Variants in ADCY8 observed in about 807,000 individuals in gnomAD.
ADCY8 encodes adenylate cyclase type 8.
ADCY8 carries 51 observed loss-of-function variants against 119.7 expected under a neutral mutation model. The observed-to-expected ratio is 0.43, with a 90% confidence interval of 0.34 to 0.54. The LOEUF (loss-of-function observed/expected upper bound fraction) is 0.54. ADCY8 is among the 20% of genes least tolerant of loss of function. ADCY8 has a pLI of 0.03. For missense variants in ADCY8, 1,383 were observed against 1,598.8 expected (o/e 0.87, Z 2.30); for synonymous variants, 665 against 651.0 (o/e 1.02, Z -0.33).
intron 15 of ADCY8, among the ~76,000 whole-genome samples, chr8:130,791,249 G>A (rs1815417966): frequency 1.3e-5 from 2 of 152,312 alleles, no homozygotes; most frequent in South Asian, 4.1e-4. Flanking sequence ...CAGGGAAAAG[G>A]GGAGAATGCT....
intron 9 of ADCY8, among the ~76,000 whole-genome samples, chr8:130,858,128 T>C (rs182901997): frequency 6.6e-6 from 1 of 152,294 alleles, no homozygotes; most frequent in East Asian, 1.9e-4. Flanking sequence ...TAGGCTCATC[T>C]AGCACATTTC....
At chr8:130,781,204 G>T (rs185947562) in intron 17 of ADCY8, among the ~76,000 whole-genome samples, 1 of 152,336 alleles carries the variant, frequency 6.6e-6, no homozygotes, top group East Asian at 1.9e-4. Flanking sequence ...GCACTGACTT[G>T]TCTTAGTCTG....
At chr8:130,804,630 T>C (rs749818597) in intron 14 of ADCY8, among the ~76,000 whole-genome samples, 1 of 152,224 alleles carries the variant, frequency 6.6e-6, no homozygotes, top group Admixed American at 6.5e-5. Flanking sequence ...CTTCCCACTT[T>C]GGTTTATGCC....
chr8:131,005,243 C>G (rs149100727), intron 1 of ADCY8, among the ~76,000 whole-genome samples: 1 of 152,166 alleles, frequency 6.6e-6, no homozygotes, highest in Non-Finnish European at 1.5e-5. Flanking sequence ...AAAGGCTAAA[C>G]GAGGCCATTG....
In ADCY8 at chr8:130,937,071, A is replaced by G; in HGVS notation, c.1481+2T>C. 1 of 1,609,810 alleles carries G rather than the reference A, an allele frequency of 6.2e-7. No homozygotes were observed. On this transcript the variant is annotated splice_donor_variant, in intron 5 of 17. Transcript: ENST00000286355. LOFTEE classifies it high-confidence loss of function. The stretch of plus-strand genomic sequence containing the variant: ...GGTAACATGATGGGGATCACAAATT[A>G]CCTGATGGTTTTGATCATGCTGAGA...
chr8:131,006,656 G>A (rs142860422), intron 1 of ADCY8, among the ~76,000 whole-genome samples: 140 of 152,236 alleles, frequency 9.2e-4, no homozygotes, highest in Non-Finnish European at 1.4e-3. Flanking sequence ...GTGGCTTAGC[G>A]GACAGATCAC....
At chr8:130,911,127 AT>A (rs1460427551) in intron 5 of ADCY8, among the ~76,000 whole-genome samples, 1 of 152,198 alleles carries the variant, frequency 6.6e-6, no homozygotes, top group Admixed American at 6.5e-5. Flanking sequence ...AACTTGCTTA[AT>A]TTATTTCTTC....
At chr8:130,914,101 C>A (rs1820058847) in intron 5 of ADCY8, among the ~76,000 whole-genome samples, 1 of 152,086 alleles carries the variant, frequency 6.6e-6, no homozygotes, top group Non-Finnish European at 1.5e-5. Context: ...TCCCTATGGC[C>A]CAGAGCTGGT....
chr8:130,794,940 C>T (rs1815533108), intron 15 of ADCY8, among the ~76,000 whole-genome samples: 1 of 152,044 alleles, frequency 6.6e-6, no homozygotes, highest in African/African-American at 2.4e-5. Flanking sequence ...ATTAAAAATT[C>T]CAGGCTGGGG....
intron 5 of ADCY8, among the ~76,000 whole-genome samples, chr8:130,919,659 G>A (rs1209424254): frequency 2.6e-5 from 4 of 152,176 alleles, no homozygotes; most frequent in African/African-American, 9.7e-5. Flanking sequence ...TTTAACAGTT[G>A]GCTTTTGCAA....
chr8:130,995,330 C>A (rs1458053264), intron 1 of ADCY8, among the ~76,000 whole-genome samples: 1 of 152,156 alleles, frequency 6.6e-6, no homozygotes, highest in Non-Finnish European at 1.5e-5. Flanking sequence ...CATGTACTAT[C>A]ATTTTTAAAT....
intron 14 of ADCY8, among the ~76,000 whole-genome samples, chr8:130,809,767 A>G (rs1009853136): frequency 1.3e-5 from 2 of 152,230 alleles, no homozygotes; most frequent in Non-Finnish European, 2.9e-5. Flanking sequence ...CTTATTTGGA[A>G]CACCTCAAAA....
At chr8:130,945,075 A>T (rs1348976003) in intron 3 of ADCY8, among the ~76,000 whole-genome samples, 1 of 152,204 alleles carries the variant, frequency 6.6e-6, no homozygotes, top group Non-Finnish European at 1.5e-5. Context: ...CTCTGAGCAG[A>T]GAGAACAGTA....
At chr8:131,026,781 A>C (rs2130803281) in intron 1 of ADCY8, among the ~76,000 whole-genome samples, 1 of 152,334 alleles carries the variant, frequency 6.6e-6, no homozygotes, top group South Asian at 2.1e-4. Flanking sequence ...TGATTGTTTT[A>C]AAACTTAAAT....
intron 12 of ADCY8, among the ~76,000 whole-genome samples, chr8:130,832,421 GC>G (rs1244002293): frequency 9.2e-5 from 14 of 152,188 alleles, no homozygotes. Context: ...GGAACAACCA[GC>G]AAAAACTATT....
intron 17 of ADCY8, among the ~76,000 whole-genome samples, chr8:130,782,043 A>C (rs1815097098): frequency 6.6e-6 from 1 of 152,206 alleles, no homozygotes; most frequent in Non-Finnish European, 1.5e-5. Flanking sequence ...CTACAAAGAA[A>C]AATCAATGAG....
chr8:130,830,544 T>A (rs1024157808), intron 12 of ADCY8, among the ~76,000 whole-genome samples: 2 of 152,248 alleles, frequency 1.3e-5, no homozygotes, highest in Admixed American at 1.3e-4. Context: ...GAGAGCTGTT[T>A]TCCTTTCTCT....
intron 9 of ADCY8, among the ~76,000 whole-genome samples, chr8:130,867,342 C>T (rs565866144): frequency 6.6e-6 from 1 of 152,274 alleles, no homozygotes; most frequent in East Asian, 1.9e-4. Context: ...TCAGTTCCCT[C>T]CTCTTTAAAA....
At chr8:130,871,839 A>G (rs1479879733) in intron 8 of ADCY8, among the ~76,000 whole-genome samples, 2 of 152,142 alleles carry the variant, frequency 1.3e-5, no homozygotes, top group Admixed American at 1.3e-4. Flanking sequence ...ACCACCGGGT[A>G]GAATTCTTAA....
Sources: gnomAD v4.1 joint callset for allele counts (sites outside exome capture counted in the v4.1 genomes callset) on GRCh38, gnomAD v4.1.1 for gene constraint, MANE v1.5 for transcripts, NCBI Gene and HGNC (gene_info 2026-07-23, HGNC 2026-07-21) for gene names.